The following CENPP variants were observed in gnomAD, a reference collection of about 807,000 sequenced individuals.
CENPP encodes the protein centromere protein P.
CENPP carries 24 observed loss-of-function variants against 35.6 expected under a neutral mutation model. The ratio of observed to expected loss-of-function variants is 0.67; its 90% CI spans 0.49 to 0.95. The LOEUF (loss-of-function observed/expected upper bound fraction) is 0.95, where lower values mean the gene tolerates loss of function less well. Ranked by LOEUF, CENPP falls within the 40% of genes least tolerant of loss-of-function variation. CENPP has a pLI of 0.00. For synonymous variants in CENPP, 120 were observed against 125.5 expected (o/e 0.96, Z 0.29); for missense variants, 332 against 345.3 (o/e 0.96, Z 0.31).
In CENPP at chr9:92,619,689, G is replaced by T; in HGVS notation, c.*6540G>T. The T allele has an allele frequency of 1.1e-6, 1 of 881,602 alleles. No homozygotes were observed. The highest frequency in any genetic ancestry group is 1.5e-5 in the South Asian group (1 of 66,832). 54.6% of individuals were successfully genotyped at this position (881,602 alleles called of 1,614,324 possible). ...GCCTCAGAACCTGAGGGTGGGATTA[G>T]GAGCGAGGGCCACGGTGAGCACGGG... On this transcript the variant is annotated 3_prime_UTR_variant, in exon 8 of 8. Transcript: ENST00000375587.
At chr9:92,356,091 G>A (rs1841582143) in intron 4 of CENPP, among the ~76,000 whole-genome samples, 1 of 152,104 alleles carries the variant, frequency 6.6e-6, no homozygotes, top group South Asian at 2.1e-4. Context: ...GATTAGTTTG[G>A]TATTTAAAAA....
At chr9:92,569,820 G>A (rs1850088859) in intron 5 of CENPP, among the ~76,000 whole-genome samples, 1 of 152,056 alleles carries the variant, frequency 6.6e-6, no homozygotes, top group South Asian at 2.1e-4. Context: ...GGATTCCTAG[G>A]TATTTTATTC....
chr9:92,472,992 C>G (rs966451414), intron 5 of CENPP, among the ~76,000 whole-genome samples: 2 of 152,110 alleles, frequency 1.3e-5, no homozygotes, highest in African/African-American at 4.8e-5. Context: ...TGCCCAGACC[C>G]TTTTTATGGT....
At chr9:92,456,993 G>C (rs190218000) in intron 5 of CENPP, 1 of 1,124,730 alleles carries the variant, frequency 8.9e-7, no homozygotes, top group African/African-American at 1.6e-5. Context: ...GTTAAATACC[G>C]AATATCTTAC....
chr9:92,499,022 C>T (rs1008002251), intron 5 of CENPP, among the ~76,000 whole-genome samples: 3 of 152,148 alleles, frequency 2.0e-5, no homozygotes, highest in African/African-American at 7.2e-5. Context: ...CTTCTCAATA[C>T]TATTCCCCAA....
chr9:92,428,066 T>C (rs1844013513), intron 5 of CENPP, among the ~76,000 whole-genome samples: 1 of 152,174 alleles, frequency 6.6e-6, no homozygotes, highest in Non-Finnish European at 1.5e-5. Context: ...ACTACTTCTA[T>C]CAGAAAGGCC....
chr9:92,374,154 C>G (rs568578580), intron 4 of CENPP, among the ~76,000 whole-genome samples: 1 of 149,366 alleles, frequency 6.7e-6, no homozygotes, highest in Non-Finnish European at 1.5e-5. Flanking sequence ...TTCTGCCAAT[C>G]TCTGCCATTT....
intron 5 of CENPP, chr9:92,505,698 A>C: frequency 6.4e-7 from 1 of 1,555,526 alleles, no homozygotes. Flanking sequence ...AGTCTATAAA[A>C]AATAAAAGTA....
At chr9:92,544,037 T>C (rs1849374348) in intron 5 of CENPP, among the ~76,000 whole-genome samples, 1 of 152,260 alleles carries the variant, frequency 6.6e-6, no homozygotes, top group African/African-American at 2.4e-5. Flanking sequence ...CTTTCTCTTA[T>C]CTAATTGCTC....
At chr9:92,442,637 C>T (rs558951881) in intron 5 of CENPP, among the ~76,000 whole-genome samples, 3 of 151,664 alleles carry the variant, frequency 2.0e-5, no homozygotes, top group African/African-American at 7.3e-5. Context: ...ATCACGAGGT[C>T]AGATCAAGAC....
Position 92,440,035 on chromosome 9 carries a change from A to G in CENPP, c.564+60176A>G, listed in dbSNP as rs185985008. On this transcript the variant is annotated intron_variant, in intron 5 of 7. Coordinates refer to ENST00000375587, the MANE Select transcript of CENPP (RefSeq NM_001012267.3). ...GGAAAATTCCAGAAAGAAATAATTC[A>G]TGTTTCAAATTACATGCTATTTTGA... Among the ~76,000 whole-genome samples the G allele has an allele frequency of 1.3e-4, 20 of 152,284 alleles. No homozygotes were observed. In the East Asian group the frequency reaches 3.7e-3, roughly 28 times the overall value.
chr9:92,369,145 T>C (rs1353362054), intron 4 of CENPP, among the ~76,000 whole-genome samples: 1 of 152,118 alleles, frequency 6.6e-6, no homozygotes, highest in Non-Finnish European at 1.5e-5. Flanking sequence ...CCATTAAAAA[T>C]GTAGTTACAG....
At chr9:92,359,177 G>A (rs550808639) in intron 4 of CENPP, among the ~76,000 whole-genome samples, 13 of 151,986 alleles carry the variant, frequency 8.6e-5, no homozygotes, top group African/African-American at 2.9e-4. Context: ...TTGAACTCCC[G>A]GCCTCAGGTG....
chr9:92,516,575 G>A (rs1847738368), intron 5 of CENPP: 1 of 152,166 alleles, frequency 6.6e-6, no homozygotes, highest in Admixed American at 6.5e-5. Flanking sequence ...ATAGGAAAAA[G>A]TTAGTAAAAG....
At chr9:92,563,868 G>A (rs1362809601) in intron 5 of CENPP, among the ~76,000 whole-genome samples, 1 of 151,818 alleles carries the variant, frequency 6.6e-6, no homozygotes, top group African/African-American at 2.4e-5. Flanking sequence ...GAAAGAAGTG[G>A]CCAGATCACA....
At chr9:92,367,203 G>T (rs1256972383) in intron 4 of CENPP, among the ~76,000 whole-genome samples, 3 of 152,094 alleles carry the variant, frequency 2.0e-5, no homozygotes, top group Non-Finnish European at 4.4e-5. Context: ...GTCTCACTCT[G>T]TCTCCCAGGC....
chr9:92,512,229 G>A, intron 5 of CENPP: 1 of 649,352 alleles, frequency 1.5e-6, no homozygotes, highest in Non-Finnish European at 2.6e-6. Context: ...GCTTTGTCTG[G>A]AGGAGAAAGC....
At position 92,354,674 on chromosome 9, in the gene CENPP, T is replaced by G. The variant is rs529041236; in HGVS notation, c.467+8887T>G. Among the ~76,000 whole-genome samples, 3 of 152,360 alleles carry G rather than the reference T, an allele frequency of 2.0e-5. No individual in the cohort carries two copies. The South Asian group carries it at 6.2e-4, about 32-fold the overall frequency. Reference sequence around the variant, plus strand: ...CACACATGTCCTTGCAATTTCATTTTATGCCACTTTAACTTAAAAAAAGTT... The same window carrying G: ...CACACATGTCCTTGCAATTTCATTTGATGCCACTTTAACTTAAAAAAAGTT... On this transcript the variant is annotated intron_variant, in intron 4 of 7. Coordinates refer to ENST00000375587, the MANE Select transcript of CENPP (RefSeq NM_001012267.3).
chr9:92,339,081 A>G (rs1841024450), intron 3 of CENPP, among the ~76,000 whole-genome samples: 1 of 152,224 alleles, frequency 6.6e-6, no homozygotes. Context: ...CAGTTGGGCC[A>G]ACAGGGAATG....
Sources: gnomAD v4.1 joint callset for allele counts (sites outside exome capture counted in the v4.1 genomes callset) on GRCh38, gnomAD v4.1.1 for gene constraint, MANE v1.5 for transcripts, NCBI Gene and HGNC (gene_info 2026-07-23, HGNC 2026-07-21) for gene names.